Variants in ZNF430 observed in about 807,000 individuals in gnomAD.
The protein encoded by ZNF430 is zinc finger protein 430.
Under a neutral mutation model 56.7 loss-of-function variants are expected in ZNF430, and 35 were observed. The ratio of observed to expected loss-of-function variants is 0.62; its 90% confidence interval spans 0.47 to 0.82. The LOEUF is 0.82. Among genes scored for constraint, ZNF430 ranks in the 40% least tolerant of loss-of-function variants. The pLI is 0.00. For synonymous variants in ZNF430, 212 were observed against 224.3 expected, an observed-to-expected ratio of 0.94 and a Z score of 0.49; for missense variants, 574 against 661.0, an observed-to-expected ratio of 0.87 and a Z score of 1.44.
chr19:21,037,717 TC>T (rs1968029163), intron 4 of ZNF430, among the ~76,000 whole-genome samples: 1 of 152,226 alleles, frequency 6.6e-6, no homozygotes, highest in Admixed American at 6.5e-5. Context: ...GGTTTTATTT[TC>T]ATTGCATCAT....
chr19:21,028,400 C>G lies in ZNF430; in HGVS notation c.97-5056C>G, dbSNP rs143038538. Among the ~76,000 whole-genome samples the G allele has an allele frequency of 2.9e-4, 44 of 152,278 alleles. No individual in the cohort carries two copies. In the East Asian group the frequency reaches 6.9e-3, roughly 24 times the overall value. On this transcript the variant is annotated intron_variant, in intron 2 of 4. Coordinates refer to ENST00000261560, the MANE Select transcript of ZNF430 (RefSeq NM_025189.4). ...AAATGTGATACTGGAGTAGAGTATT[C>G]TTGTCTTTCTCCTTACCCAAAAGCT...
rs71174785 is a variant in ZNF430 at position 21,021,823 on chromosome 19, A to ATTTTTTTTTTTTTTT, written c.4-950_4-936dup. ...TTTCAAAACGATGCGCCTGAGTTAG[A>ATTTTTTTTTTTTTTT]TTTTTTTTTTTTTTTTTTTTTTTTT... On this transcript the variant is annotated intron_variant, in intron 1 of 4. Transcript: ENST00000261560. 2.8e-4 allele frequency among the ~76,000 whole-genome samples: 24 copies of ATTTTTTTTTTTTTTT among 85,706 alleles called. 2 individuals carry two copies. Among genetic ancestry groups the ATTTTTTTTTTTTTTT allele is most frequent in the African/African-American group, 1.3e-3 (24 of 18,812 alleles). 56.2% of individuals were successfully genotyped at this position (85,706 alleles called of 152,430 possible). A position where few individuals can be genotyped will look rare whatever the true frequency, so the allele number is the denominator to read the frequency against.
chr19:21,049,282 A>G (rs1968240677), intron 4 of ZNF430, among the ~76,000 whole-genome samples: 1 of 151,778 alleles, frequency 6.6e-6, no homozygotes, highest in South Asian at 2.1e-4. Context: ...TATTGATACT[A>G]CAAATTATAT....
chr19:21,021,823 A>ATTTTT lies in ZNF430; in HGVS notation c.4-940_4-936dup, dbSNP rs71174785. 3.2e-3 allele frequency among the ~76,000 whole-genome samples: 273 copies of ATTTTT among 85,678 alleles called. 28 individuals are homozygous for ATTTTT. The highest frequency in any genetic ancestry group is 0.014 in the African/African-American group (261 of 18,788). The allele number at this position is 85,678 out of a possible 152,430, so 56.2% of individuals were successfully genotyped here. A position where few individuals can be genotyped will look rare whatever the true frequency, so the allele number is the denominator to read the frequency against. ...TTTCAAAACGATGCGCCTGAGTTAG[A>ATTTTT]TTTTTTTTTTTTTTTTTTTTTTTTT... On this transcript the variant is annotated intron_variant, in intron 1 of 4. Transcript: ENST00000261560.
chr19:21,040,697 T>G (rs1230994078), intron 4 of ZNF430, among the ~76,000 whole-genome samples: 2 of 152,250 alleles, frequency 1.3e-5, no homozygotes, highest in Non-Finnish European at 2.9e-5. Flanking sequence ...GTTTTCTTAC[T>G]GATCTTTTAT....
Position 21,059,493 on chromosome 19 carries a change from A to G in ZNF430, c.*1472A>G, listed in dbSNP as rs533406299. ...GGGAGGTGGAGAGTGCAGTGAACTG[A>G]AATTGCGCCATTGCACTCCAGCCTG... On this transcript the variant is annotated 3_prime_UTR_variant, in exon 5 of 5. Coordinates refer to ENST00000261560, the MANE Select transcript of ZNF430 (RefSeq NM_025189.4). 1 of 149,820 alleles carries G rather than the reference A, an allele frequency of 6.7e-6. No individual in the cohort carries two copies. Among genetic ancestry groups the G allele is most frequent in the African/African-American group, 2.4e-5 (1 of 40,994 alleles). 9.3% of individuals were successfully genotyped at this position (149,820 alleles called of 1,614,324 possible).
intron 4 of ZNF430, among the ~76,000 whole-genome samples, chr19:21,051,556 C>T (rs901050486): frequency 4.6e-5 from 7 of 152,124 alleles, no homozygotes; most frequent in Admixed American, 2.0e-4. Flanking sequence ...TGCAGTGGTG[C>T]GATCTCGGCG....
chr19:21,041,229 A>G (rs1968096794), intron 4 of ZNF430, among the ~76,000 whole-genome samples: 1 of 152,166 alleles, frequency 6.6e-6, no homozygotes. Context: ...CCAAACTCAG[A>G]TGATCTCATC....
intron 1 of ZNF430, among the ~76,000 whole-genome samples, chr19:21,022,492 T>C (rs1187714632): frequency 6.6e-6 from 1 of 152,202 alleles, no homozygotes; most frequent in Non-Finnish European, 1.5e-5. Context: ...TGTTATCTGT[T>C]TGTAAATATT....
At chr19:21,032,067 C>G (rs1029452408) in intron 2 of ZNF430, among the ~76,000 whole-genome samples, 3 of 151,908 alleles carry the variant, frequency 2.0e-5, no homozygotes, top group Non-Finnish European at 4.4e-5. Flanking sequence ...TGTAGATACT[C>G]AAGATTCCTA....
intron 4 of ZNF430, among the ~76,000 whole-genome samples, chr19:21,041,239 C>G (rs1968096984): frequency 6.6e-6 from 1 of 152,054 alleles, no homozygotes; most frequent in Admixed American, 6.6e-5. Flanking sequence ...ATGATCTCAT[C>G]TCAGCTTCCA....
In ZNF430 at chr19:21,021,823, A is replaced by ATTTTTTTTTTTTTTTTTTTTTTT. The variant is rs71174785; in HGVS notation, c.4-958_4-936dup. On this transcript the variant is annotated intron_variant, in intron 1 of 4. Coordinates refer to ENST00000261560, the MANE Select transcript of ZNF430 (RefSeq NM_025189.4). ...TTTCAAAACGATGCGCCTGAGTTAG[A>ATTTTTTTTTTTTTTTTTTTTTTT]TTTTTTTTTTTTTTTTTTTTTTTTT... Among the ~76,000 whole-genome samples the ATTTTTTTTTTTTTTTTTTTTTTT allele has an allele frequency of 5.8e-5, 5 of 85,708 alleles. 1 individual carries two copies. Among genetic ancestry groups the ATTTTTTTTTTTTTTTTTTTTTTT allele is most frequent in the African/African-American group, 2.7e-4 (5 of 18,814 alleles). The allele number at this position is 85,708 out of a possible 152,430, so 56.2% of individuals were successfully genotyped here.
Position 21,057,577 on chromosome 19 carries a change from T to C in ZNF430, c.1269T>C (p.His423=). The change falls in exon 5 of 5, where the codon CAT becomes CAC. Residue 423 remains histidine, a synonymous_variant. Transcript: ENST00000261560. ...CCCTTACTAAACATAAAAGAATTCA[T>C]ACTGGAGAGAAACCCTACAAATGTG... ...SSTLTKHKRI[H]TGEKPYKCEQ... The C allele has an allele frequency of 6.2e-7, 1 of 1,613,432 alleles. No individual in the cohort carries two copies. Among genetic ancestry groups the C allele is most frequent in the East Asian group, 2.2e-5 (1 of 44,838 alleles).
rs982324928 is a variant in ZNF430, at chr19:21,057,098, G to C, written c.790G>C (p.Glu264Gln). 2 of 1,613,958 alleles carry C rather than the reference G, an allele frequency of 1.2e-6. No homozygotes were observed. Among genetic ancestry groups the C allele is most frequent in the Admixed American group, 1.7e-5 (1 of 59,986 alleles). Reference protein sequence around the residue: ...IHTGEKPYKCEQCGKAFKQSS... With the variant: ...IHTGEKPYKCQQCGKAFKQSS... ...TACTGGAGAGAAACCCTACAAATGT[G>C]AACAATGTGGCAAAGCTTTTAAGCA... The change falls in exon 5 of 5, where the codon GAA becomes CAA. Residue 264 changes from glutamate to glutamine, a missense_variant. Glu to Gln is a conservative substitution (Grantham distance 29). This residue lies in a region of ZNF430 where 346 missense variants were observed against 399.1 expected (regional missense o/e 0.87). Transcript: ENST00000261560.
intron 1 of ZNF430, 147 bp downstream of exon 1, chr19:21,020,950 C>A (rs374855726): frequency 1.7e-6 from 2 of 1,158,904 alleles, no homozygotes; most frequent in East Asian, 4.7e-5. Flanking sequence ...CAGTCCCCAT[C>A]AGCCTTAAGA....
rs768903339 is a variant in ZNF430 at position 21,043,029 on chromosome 19, GA to G, written c.322+8846del. ...AGACTCTGGATATTAACGTTTGTCA[GA>G]TGAATAGGTTGCAAAAATGTTCTCC... On this transcript the variant is annotated intron_variant, in intron 4 of 4. Coordinates refer to ENST00000261560, the MANE Select transcript of ZNF430 (RefSeq NM_025189.4). Among the ~76,000 whole-genome samples, 27 of 129,720 alleles carry G rather than the reference GA, an allele frequency of 2.1e-4. No individual in the cohort carries two copies. The East Asian group carries it at 2.2e-3, about 11-fold the overall frequency. 85.1% of individuals were successfully genotyped at this position (129,720 alleles called of 152,430 possible).
intron 2 of ZNF430, among the ~76,000 whole-genome samples, chr19:21,023,105 CAAAAAG>C (rs1002468309): frequency 3.3e-5 from 5 of 152,100 alleles, no homozygotes; most frequent in East Asian, 1.9e-4. Context: ...TCCCAAAAGA[CAAAAAG>C]AAAAAGAAAA....
chr19:21,059,435 C>T lies in ZNF430; in HGVS notation c.*1414C>T, dbSNP rs564791655. 2 of 151,352 alleles carry T rather than the reference C, an allele frequency of 1.3e-5. No individual in the cohort carries two copies. The highest frequency in any genetic ancestry group is 2.1e-4 in the South Asian group (1 of 4,812). The allele number at this position is 151,352 out of a possible 1,614,324, so 9.4% of individuals were successfully genotyped here. ...GTGTATGCCTGTAATCACAGCTACT[C>T]GAGAGGCTGAGGCAGGAGAATTGCT... On this transcript the variant is annotated 3_prime_UTR_variant, in exon 5 of 5. Transcript: ENST00000261560.
chr19:21,054,728 T>TGCAGTGGC (rs1157059439), intron 4 of ZNF430, among the ~76,000 whole-genome samples: 1 of 134,568 alleles, frequency 7.4e-6, no homozygotes, highest in Non-Finnish European at 1.5e-5. Flanking sequence ...CAGGCTGGAG[T>TGCAGTGGC]GCAGTGGCGC....
Sources: gnomAD v4.1 joint callset for allele counts (sites outside exome capture counted in the v4.1 genomes callset) on GRCh38, gnomAD v4.1.1 for gene constraint, gnomAD v4.1.1 regional missense constraint, MANE v1.5 for transcripts, NCBI Gene and HGNC (gene_info 2026-07-23, HGNC 2026-07-21) for gene names.